ZBBX: variants seen among roughly 807,000 people sequenced by gnomAD.
ZBBX encodes the protein zinc finger B-box domain-containing protein 1.
In ZBBX, 101 loss-of-function variants were observed where a neutral mutation model predicts 108.5. That is an observed-to-expected ratio of 0.93 (90% confidence interval 0.79 to 1.10). The LOEUF (loss-of-function observed/expected upper bound fraction) is 1.10. ZBBX is among the 50% of genes least tolerant of loss of function. ZBBX has a pLI of 0.00. For synonymous variants in ZBBX, 356 were observed against 323.4 expected (o/e 1.10, Z -1.08); for missense variants, 1,009 against 941.4 (o/e 1.07, Z -0.94).
At chr3:167,377,952 G>A (rs183048339) in intron 2 of ZBBX, among the ~76,000 whole-genome samples, 45 of 152,194 alleles carry the variant, frequency 3.0e-4, no homozygotes, top group African/African-American at 9.4e-4. Flanking sequence ...CGCTATTTTC[G>A]TGATAGTAAG....
chr3:167,194,550 T>G, the ZBBX span, among the ~76,000 whole-genome samples: 1 of 152,120 alleles, frequency 6.6e-6, no homozygotes, highest in African/African-American at 2.4e-5. Flanking sequence ...AAGTGAGAAG[T>G]ATGTAAAACT....
intron 20 of ZBBX, among the ~76,000 whole-genome samples, chr3:167,258,601 C>T (rs1024135454): frequency 6.6e-6 from 1 of 152,042 alleles, no homozygotes; most frequent in African/African-American, 2.4e-5. Flanking sequence ...AGAGGAAATG[C>T]TTTCAACTTT....
the ZBBX span, among the ~76,000 whole-genome samples, chr3:167,190,586 T>C: frequency 6.6e-6 from 1 of 152,134 alleles, no homozygotes; most frequent in Admixed American, 6.5e-5. Flanking sequence ...TTCACTGTGT[T>C]AGCCAGGATG....
chr3:167,255,321 G>C (rs1723315018), intron 20 of ZBBX, among the ~76,000 whole-genome samples: 1 of 151,882 alleles, frequency 6.6e-6, no homozygotes, highest in South Asian at 2.1e-4. Context: ...ACAAAAAACA[G>C]ACATTATCAT....
intron 10 of ZBBX, among the ~76,000 whole-genome samples, chr3:167,331,094 G>A (rs1738543604): frequency 6.6e-6 from 1 of 151,910 alleles, no homozygotes; most frequent in African/African-American, 2.4e-5. Context: ...ACCTTTATCT[G>A]GGACTTCTAG....
chr3:167,282,550 C>T, intron 19 of ZBBX, 55 bp from the exon 20 acceptor site: 5 of 1,442,102 alleles, frequency 3.5e-6, no homozygotes, highest in Non-Finnish European at 3.8e-6. Flanking sequence ...TGAATGAGTA[C>T]TTAAAGATAC....
chr3:167,212,276 A>T, the ZBBX span, among the ~76,000 whole-genome samples: 10 of 152,154 alleles, frequency 6.6e-5, no homozygotes, highest in South Asian at 1.7e-3. Context: ...CTGACTGTCC[A>T]TTCCCATATC....
At chr3:167,353,173 A>G (rs544281060) in intron 8 of ZBBX, among the ~76,000 whole-genome samples, 2 of 152,226 alleles carry the variant, frequency 1.3e-5, no homozygotes, top group South Asian at 2.1e-4. Context: ...GGAAAAGAGG[A>G]AGTCAAATTA....
chr3:167,313,896 A>C (rs1576971166), intron 16 of ZBBX, 78 bp downstream of exon 16: 1 of 1,327,710 alleles, frequency 7.5e-7, no homozygotes, highest in East Asian at 2.6e-5. Context: ...TGAACAGCAT[A>C]ACAAAGCTTT....
intron 5 of ZBBX, among the ~76,000 whole-genome samples, chr3:167,367,978 A>G (rs200141743): frequency 5.4e-5 from 1 of 18,588 alleles, no homozygotes; most frequent in Non-Finnish European, 1.3e-4. Context: ...GTATATATAT[A>G]TATATATATA....
chr3:167,311,234 G>A (rs1734537217), intron 16 of ZBBX, among the ~76,000 whole-genome samples: 1 of 152,056 alleles, frequency 6.6e-6, no homozygotes, highest in Non-Finnish European at 1.5e-5. Context: ...AAATGATTCT[G>A]GAACAACTGG....
rs140763098 is a variant in ZBBX, at chr3:167,385,842, C to T, written c.-445-5437G>A. Among the ~76,000 whole-genome samples the T allele has an allele frequency of 6.6e-5, 10 of 152,134 alleles. No homozygotes were observed. In the East Asian group the frequency reaches 1.6e-3, roughly 24 times the overall value. On this transcript the variant is annotated intron_variant, in intron 1 of 21. Coordinates refer to the ZBBX transcript ENST00000455345. ...TATGTCATCCCGTCACTGACTGAAA[C>T]TTACATGGTGCATAACTGTATAAGG...
intron 16 of ZBBX, among the ~76,000 whole-genome samples, chr3:167,312,041 T>G (rs1734683724): frequency 6.6e-6 from 1 of 152,210 alleles, no homozygotes; most frequent in Non-Finnish European, 1.5e-5. Context: ...AAAATGTTCT[T>G]CAATAGGTGA....
At chr3:167,196,965 C>T in the ZBBX span, among the ~76,000 whole-genome samples, 2 of 152,042 alleles carry the variant, frequency 1.3e-5, no homozygotes, top group Admixed American at 1.3e-4. Context: ...ACGATTTCTA[C>T]CATAATTTCT....
At chr3:167,192,547 A>G in the ZBBX span, among the ~76,000 whole-genome samples, 10 of 152,034 alleles carry the variant, frequency 6.6e-5, no homozygotes, top group African/African-American at 2.4e-4. Flanking sequence ...TGCTTTCAGG[A>G]TGTTCTCTTT....
chr3:167,307,860 C>A (rs1192859078), intron 16 of ZBBX, among the ~76,000 whole-genome samples: 1 of 151,934 alleles, frequency 6.6e-6, no homozygotes, highest in Non-Finnish European at 1.5e-5. Flanking sequence ...CTATGAAAAC[C>A]CTGGAAGACA....
At chr3:167,215,265 A>C in the ZBBX span, among the ~76,000 whole-genome samples, 1 of 152,148 alleles carries the variant, frequency 6.6e-6, no homozygotes, top group African/African-American at 2.4e-5. Flanking sequence ...GAGAAGATCC[A>C]AATAAACACA....
At chr3:167,200,431 A>G in the ZBBX span, among the ~76,000 whole-genome samples, 2 of 152,246 alleles carry the variant, frequency 1.3e-5, no homozygotes, top group Non-Finnish European at 2.9e-5. Flanking sequence ...CATCTCATGT[A>G]TACATGCTTT....
the ZBBX span, among the ~76,000 whole-genome samples, chr3:167,224,607 T>C: frequency 6.6e-6 from 1 of 151,940 alleles, no homozygotes; most frequent in Non-Finnish European, 1.5e-5. Flanking sequence ...TAAATACGTT[T>C]GGAAAACATG....
Sources: gnomAD v4.1 joint callset for allele counts (sites outside exome capture counted in the v4.1 genomes callset) on GRCh38, gnomAD v4.1.1 for gene constraint, MANE v1.5 for transcripts, NCBI Gene and HGNC (gene_info 2026-07-23, HGNC 2026-07-21) for gene names.